MRE11: variants seen among roughly 807,000 people sequenced by gnomAD.
The protein encoded by MRE11 is MRE11 double strand break repair nuclease, also known as double-strand break repair protein MRE11.
In MRE11, 62 loss-of-function variants were observed where a neutral mutation model predicts 91.7. That is an observed-to-expected ratio of 0.68 (90% CI 0.55 to 0.84). The LOEUF is 0.84. Among genes scored for constraint, MRE11 ranks in the 40% least tolerant of loss-of-function variants. MRE11 has a pLI of 0.00. For synonymous variants in MRE11, 273 were observed against 271.4 expected, an observed-to-expected ratio of 1.01 and a Z score of -0.06; for missense variants, 796 against 852.9, an observed-to-expected ratio of 0.93 and a Z score of 0.83.
chr11:94,466,555 G>A (rs13447640), intron 10 of MRE11: 14,926 of 517,188 alleles, frequency 0.029, 664 homozygotes, highest in African/African-American at 0.13. Context: ...GACAAAACCC[G>A]CAAATACTTT....
At chr11:94,463,713 T>C (rs1183300170) in intron 11 of MRE11, among the ~76,000 whole-genome samples, 4 of 145,652 alleles carry the variant, frequency 2.7e-5, no homozygotes, top group Admixed American at 2.1e-4. Context: ...TTCTCACTCA[T>C]AGGTGGGAAT....
chr11:94,503,216 A>AACT, the MRE11 span, among the ~76,000 whole-genome samples: 1 of 152,190 alleles, frequency 6.6e-6, no homozygotes, highest in Non-Finnish European at 1.5e-5. Flanking sequence ...CTCATTGAAT[A>AACT]ACTACTTCCC....
At chr11:94,471,514 G>A (rs1452382281) in intron 8 of MRE11, 60 bp downstream of exon 8, 2 of 1,524,306 alleles carry the variant, frequency 1.3e-6, no homozygotes, top group South Asian at 2.3e-5. Flanking sequence ...AAACCTATGA[G>A]ATGATTAGTT....
chr11:94,494,202 T>C (rs563669721), upstream of MRE11: 1 of 152,210 alleles, frequency 6.6e-6, no homozygotes, highest in South Asian at 2.1e-4. Flanking sequence ...CGCTCTTGGC[T>C]GTTTGGAAGG....
chr11:94,463,497 C>A (rs1946476416), intron 11 of MRE11, among the ~76,000 whole-genome samples: 1 of 152,174 alleles, frequency 6.6e-6, no homozygotes, highest in Admixed American at 6.5e-5. Context: ...TTTATTGTGG[C>A]ACTATTCACA....
At chr11:94,426,274 A>C (rs931667938) in intron 19 of MRE11, among the ~76,000 whole-genome samples, 1 of 152,164 alleles carries the variant, frequency 6.6e-6, no homozygotes, top group Non-Finnish European at 1.5e-5. Context: ...ATTCTTTGAA[A>C]TTAATAAAAA....
At chr11:94,465,977 A>C (rs1946550354) in intron 10 of MRE11, among the ~76,000 whole-genome samples, 1 of 152,156 alleles carries the variant, frequency 6.6e-6, no homozygotes, top group Admixed American at 6.5e-5. Flanking sequence ...GTATGTACAA[A>C]GTTGGATGAG....
intron 19 of MRE11, among the ~76,000 whole-genome samples, chr11:94,427,698 TA>T (rs144875210): frequency 0.14 from 21,002 of 144,940 alleles, 1,868 homozygotes; most frequent in Non-Finnish European, 0.2. Context: ...AGTTTCAGAA[TA>T]AAAAAAAAAA....
At chr11:94,504,163 C>G in the MRE11 span, among the ~76,000 whole-genome samples, 2 of 152,082 alleles carry the variant, frequency 1.3e-5, no homozygotes, top group Non-Finnish European at 2.9e-5. Flanking sequence ...GTAGCTTGAT[C>G]GTGGTAATGA....
chr11:94,498,016 T>G (rs190736680), upstream of MRE11: 7 of 1,347,010 alleles, frequency 5.2e-6, no homozygotes, highest in Non-Finnish European at 7.0e-6. Flanking sequence ...CAATTTTGTT[T>G]TAGTTATTGT....
the MRE11 span, among the ~76,000 whole-genome samples, chr11:94,501,961 C>T: frequency 6.6e-6 from 1 of 151,790 alleles, no homozygotes; most frequent in Non-Finnish European, 1.5e-5. Context: ...TATCAATGTC[C>T]TCCAGTCATC....
At chr11:94,511,049 T>C in the MRE11 span, among the ~76,000 whole-genome samples, 1 of 152,152 alleles carries the variant, frequency 6.6e-6, no homozygotes, top group Non-Finnish European at 1.5e-5. Flanking sequence ...AGAAACACTG[T>C]GGGTACTGGA....
intron 10 of MRE11, 110 bp downstream of exon 10, chr11:94,467,700 CTCT>C (rs368144897): frequency 1.1e-4 from 98 of 891,268 alleles, no homozygotes; most frequent in Middle Eastern, 3.4e-4. Flanking sequence ...ATGGTGATTG[CTCT>C]TCTTATTACT....
rs111528509 is a variant in MRE11 at position 94,474,843 on chromosome 11, T to G, written c.659+1446A>C. On this transcript the variant is annotated intron_variant, in intron 7 of 19. Coordinates refer to ENST00000323929, the MANE Select transcript of MRE11 (RefSeq NM_005591.4). ...TTAAATTCTTAGAATTACTTATGAG[T>G]TTTCCTTTCAACTCATCATCCCTAC... Among the ~76,000 whole-genome samples, 1,360 of 152,160 alleles carry G rather than the reference T, an allele frequency of 8.9e-3. 22 individuals are homozygous for G. The highest frequency in any genetic ancestry group is 0.031 in the African/African-American group (1,304 of 41,482).
At chr11:94,492,982 C>A in intron 1 of MRE11, 76 bp from the exon 2 acceptor site, 1 of 639,340 alleles carries the variant, frequency 1.6e-6, no homozygotes, top group Non-Finnish European at 2.7e-6. Context: ...TTACGCTGCA[C>A]AAGGTACAGA....
rs397509357 is a variant in MRE11, at chr11:94,446,658, C to T, written c.1783+561G>A. 2.6e-5 allele frequency among the ~76,000 whole-genome samples: 4 copies of T among 152,106 alleles called. 1 individual carries two copies. The highest frequency in any genetic ancestry group is 4.1e-4 in the South Asian group (2 of 4,822). ...TCACTGAGTGACCAATTTCTATTGG[C>T]GTGAACTATTCAATGACAATAGTCT... On this transcript the variant is annotated intron_variant, in intron 15 of 19. Coordinates refer to ENST00000323929, the MANE Select transcript of MRE11 (RefSeq NM_005591.4).
rs200416958 is a variant in MRE11 at position 94,470,448 on chromosome 11, T to A, written c.1017+23A>T. The A allele has an allele frequency of 1.0e-4, 163 of 1,608,326 alleles. 1 individual carries two copies. Among genetic ancestry groups the A allele is most frequent in the South Asian group, 8.9e-4 (81 of 90,938 alleles). On this transcript the variant is annotated intron_variant, in intron 9 of 19. Coordinates refer to ENST00000323929, the MANE Select transcript of MRE11 (RefSeq NM_005591.4). ...AATTCTTCAACTAAAGTAGATCTCA[T>A]TGACTTTATCAAAAAGAATTACCTT...
intron 9 of MRE11, among the ~76,000 whole-genome samples, chr11:94,470,209 T>G (rs942561892): frequency 6.6e-6 from 1 of 152,026 alleles, no homozygotes; most frequent in Non-Finnish European, 1.5e-5. Context: ...GAAAAGATTA[T>G]GTATTATGTT....
At chr11:94,470,816 G>T (rs1946690451) in intron 8 of MRE11, among the ~76,000 whole-genome samples, 174 bp from the exon 9 acceptor site, 1 of 151,938 alleles carries the variant, frequency 6.6e-6, no homozygotes, top group Non-Finnish European at 1.5e-5. Flanking sequence ...GGAAAAGATG[G>T]TAGACATTTT....
Sources: allele counts gnomAD v4.1 joint callset (sites outside exome capture counted in the v4.1 genomes callset), GRCh38; gene constraint gnomAD v4.1.1; transcripts MANE v1.5; gene names NCBI Gene and HGNC (gene_info 2026-07-23, HGNC 2026-07-21).